Variants in GAS2 observed in about 807,000 individuals in gnomAD.
GAS2 encodes growth arrest specific 2.
In GAS2, 20 loss-of-function variants were observed where a neutral mutation model predicts 37.5. That is an observed-to-expected ratio of 0.53 (90% CI 0.37 to 0.77). The LOEUF (loss-of-function observed/expected upper bound fraction) is 0.77, where lower values mean the gene tolerates loss of function less well. GAS2 is among the 30% of genes least tolerant of loss of function. The pLI is 0.00. For synonymous variants in GAS2, 144 were observed against 132.2 expected, an observed-to-expected ratio of 1.09 and a Z score of -0.61; for missense variants, 336 against 373.4, an observed-to-expected ratio of 0.90 and a Z score of 0.82.
intron 7 of GAS2, among the ~76,000 whole-genome samples, chr11:22,782,766 CTTTT>C (rs34122574): frequency 2.6e-5 from 3 of 113,834 alleles, no homozygotes; most frequent in South Asian, 2.8e-4. Context: ...TGATTTTGTT[CTTTT>C]TTTTTTTTTT....
chr11:22,679,904 C>T (rs1849601109), intron 2 of GAS2, among the ~76,000 whole-genome samples: 1 of 152,090 alleles, frequency 6.6e-6, no homozygotes, highest in Middle Eastern at 3.2e-3. Flanking sequence ...CAGTTGATGT[C>T]ATGGTAATTT....
intron 3 of GAS2, among the ~76,000 whole-genome samples, chr11:22,700,344 T>C (rs995465736): frequency 2.0e-5 from 3 of 152,192 alleles, no homozygotes; most frequent in South Asian, 4.1e-4. Flanking sequence ...CTGAAGACTT[T>C]ATTCTCATTA....
rs116769372 is a variant in GAS2, at chr11:22,634,989, G to A, written c.-21+9176G>A. Among the ~76,000 whole-genome samples the A allele has an allele frequency of 3.7e-3, 556 of 152,250 alleles. 4 individuals carry two copies. Among genetic ancestry groups the A allele is most frequent in the African/African-American group, 0.013 (528 of 41,550 alleles). Reference sequence around the variant, plus strand: ...GTCATCCAAAAGTTTTCTCCTTCAGGGGAGCTGTGTTTTTGTGCCAACAGA... The same window carrying A: ...GTCATCCAAAAGTTTTCTCCTTCAGAGGAGCTGTGTTTTTGTGCCAACAGA... On this transcript the variant is annotated intron_variant, in intron 1 of 5. Coordinates refer to the GAS2 transcript ENST00000528582.
intron 1 of GAS2, among the ~76,000 whole-genome samples, chr11:22,659,364 C>T (rs866756427): frequency 6.6e-6 from 1 of 152,300 alleles, no homozygotes; most frequent in South Asian, 2.1e-4. Flanking sequence ...TTAAGAGGCA[C>T]TTTCAGTCTC....
At chr11:22,735,545 A>G (rs1852708979) in intron 4 of GAS2, among the ~76,000 whole-genome samples, 1 of 151,782 alleles carries the variant, frequency 6.6e-6, no homozygotes, top group African/African-American at 2.4e-5. Context: ...GATAGAGTTG[A>G]TATTGAGTTT....
Position 22,739,578 on chromosome 11 carries a change from A to G in GAS2, c.473+1810A>G, listed in dbSNP as rs1044001488. ...ACAGAGCAAGATTCGCTCTCAAAAA[A>G]AAAAAAAAAAAAAAAAAAAGAAAGG... On this transcript the variant is annotated intron_variant, in intron 5 of 7. Transcript: ENST00000454584. Among the ~76,000 whole-genome samples the G allele has an allele frequency of 7.1e-3, 987 of 139,426 alleles. 8 individuals carry two copies. The highest frequency in any genetic ancestry group is 0.029 in the African/African-American group (943 of 32,356). 91.5% of individuals were successfully genotyped at this position (139,426 alleles called of 152,430 possible). A position where few individuals can be genotyped will look rare whatever the true frequency, so the allele number is the denominator to read the frequency against.
chr11:22,751,561 C>T (rs1022923493), intron 6 of GAS2, among the ~76,000 whole-genome samples: 1 of 151,862 alleles, frequency 6.6e-6, no homozygotes, highest in African/African-American at 2.4e-5. Context: ...GAAACTTCTC[C>T]CTTATTCTGT....
intron 1 of GAS2, among the ~76,000 whole-genome samples, chr11:22,673,059 T>C (rs1473729541): frequency 2.0e-5 from 3 of 152,192 alleles, no homozygotes; most frequent in African/African-American, 7.2e-5. Flanking sequence ...AAATTTATGG[T>C]ATTTTTTTCA....
intron 6 of GAS2, among the ~76,000 whole-genome samples, chr11:22,755,118 T>A (rs1157022875): frequency 1.3e-5 from 2 of 152,120 alleles, no homozygotes; most frequent in African/African-American, 4.8e-5. Flanking sequence ...ATTCATAAGC[T>A]TTATGCACAT....
intron 3 of GAS2, among the ~76,000 whole-genome samples, chr11:22,686,206 G>A (rs1849938225): frequency 6.6e-6 from 1 of 152,020 alleles, no homozygotes; most frequent in South Asian, 2.1e-4. Flanking sequence ...GTAATTTTTG[G>A]TTTATTCTAA....
intron 1 of GAS2, among the ~76,000 whole-genome samples, chr11:22,656,476 T>G (rs1848856229): frequency 6.6e-6 from 1 of 152,200 alleles, no homozygotes. Context: ...TGAATGACTA[T>G]AAAAAGAATG....
chr11:22,786,210 A>G (rs1040092619), intron 7 of GAS2, among the ~76,000 whole-genome samples: 3 of 152,132 alleles, frequency 2.0e-5, no homozygotes, highest in African/African-American at 7.2e-5. Flanking sequence ...TTGAAAATAG[A>G]TTTACATTTA....
intron 7 of GAS2, among the ~76,000 whole-genome samples, chr11:22,786,746 T>A (rs1414072913): frequency 6.6e-6 from 1 of 152,190 alleles, no homozygotes; most frequent in African/African-American, 2.4e-5. Flanking sequence ...TAGGACATTG[T>A]CAGTGTTGGT....
Position 22,760,027 on chromosome 11 carries a change from G to A in GAS2, c.723+4074G>A, listed in dbSNP as rs552230578. 1.4e-3 allele frequency among the ~76,000 whole-genome samples: 207 copies of A among 152,244 alleles called. 1 individual carries two copies. In the South Asian group the frequency reaches 0.021, roughly 15 times the overall value. On this transcript the variant is annotated intron_variant, in intron 7 of 7. Coordinates refer to ENST00000454584, the MANE Select transcript of GAS2 (RefSeq NM_001143830.3). ...ACTCCAAGTTGGAGTGCAGTGCTGC[G>A]GCTCACTGCAACCTCCATCTCCCAG...
At chr11:22,786,501 G>C (rs377111839) in intron 7 of GAS2, among the ~76,000 whole-genome samples, 2 of 152,100 alleles carry the variant, frequency 1.3e-5, no homozygotes, top group Non-Finnish European at 2.9e-5. Flanking sequence ...TGCAAGGACT[G>C]GTTTTCAGTA....
intron 6 of GAS2, among the ~76,000 whole-genome samples, chr11:22,755,233 A>G (rs1349047222): frequency 2.6e-5 from 4 of 152,110 alleles, no homozygotes; most frequent in Admixed American, 6.6e-5. Context: ...AAGCTATAAA[A>G]CATGGTCAAA....
intron 3 of GAS2, among the ~76,000 whole-genome samples, chr11:22,695,896 C>T (rs946485407): frequency 2.0e-5 from 3 of 151,850 alleles, no homozygotes; most frequent in African/African-American, 2.4e-5. Context: ...GATTCCAATA[C>T]GTTTCTATTC....
upstream of GAS2, among the ~76,000 whole-genome samples, chr11:22,664,973 C>A (rs1400515150): frequency 6.8e-6 from 1 of 146,616 alleles, no homozygotes; most frequent in African/African-American, 2.5e-5. Flanking sequence ...TTCTGAGAGA[C>A]AGAGGATCTG....
intron 7 of GAS2, among the ~76,000 whole-genome samples, chr11:22,772,651 G>A (rs1389533224): frequency 6.6e-6 from 1 of 152,080 alleles, no homozygotes; most frequent in Non-Finnish European, 1.5e-5. Context: ...AGGCAGTTCA[G>A]GTCTCCATTT....
Sources: gnomAD v4.1 joint callset for allele counts (sites outside exome capture counted in the v4.1 genomes callset) on GRCh38, gnomAD v4.1.1 for gene constraint, MANE v1.5 for transcripts, NCBI Gene and HGNC (gene_info 2026-07-23, HGNC 2026-07-21) for gene names.